The following SPATA32 variants were observed in gnomAD, a reference collection of about 807,000 sequenced individuals.
The protein encoded by SPATA32 is spermatogenesis associated 32.
In SPATA32, 28 loss-of-function variants were observed where a neutral mutation model predicts 35.4. The ratio of observed to expected loss-of-function variants is 0.79; its 90% confidence interval spans 0.59 to 1.09. The LOEUF (loss-of-function observed/expected upper bound fraction) is 1.09. SPATA32 is among the 50% of genes least tolerant of loss of function. The pLI, the probability that SPATA32 is intolerant of heterozygous loss-of-function variation, is 0.00. For missense variants in SPATA32, 409 were observed against 475.9 expected, an observed-to-expected ratio of 0.86 and a Z score of 1.31; for synonymous variants, 168 against 196.3, an observed-to-expected ratio of 0.86 and a Z score of 1.20.
At chr17:45,257,317 G>A in intron 1 of SPATA32, 110 bp from the exon 2 acceptor site, 1 of 1,232,948 alleles carries the variant, frequency 8.1e-7, no homozygotes, top group South Asian at 1.3e-5. Context: ...CTTCCCGGCT[G>A]CTATTCCCCC....
In SPATA32 at chr17:45,256,846, C is replaced by G. The variant is rs1425677544; in HGVS notation, c.68+307G>C. Among the ~76,000 whole-genome samples the G allele has an allele frequency of 2.0e-5, 3 of 152,324 alleles. No individual in the cohort carries two copies. In the South Asian group the frequency reaches 6.2e-4, roughly 32 times the overall value. ...CTTTCTTCAAGTGCCTGCCCACCCC[C>G]GCCTTGAGCAGCTCTGTCCTCAGCA... On this transcript the variant is annotated intron_variant, in intron 2 of 4. Transcript: ENST00000331780. This position sits in a 1 kb window ranked among gnomAD's most constrained non-coding sequence, Gnocchi z 4.7.
At chr17:45,257,677 G>A (rs918990542) in intron 1 of SPATA32, among the ~76,000 whole-genome samples, 4 of 152,060 alleles carry the variant, frequency 2.6e-5, no homozygotes, top group Non-Finnish European at 4.4e-5. Context: ...CTGTAACTGC[G>A]TGGAGTCCCA....
rs1421773813 is a variant in SPATA32, at chr17:45,256,537, G to A, written c.69-122C>T. ...AAGCTGGCACGATGCACCTCCCGCC[G>A]ACCACCCCGCCACCAGCTCATCCAC... On this transcript the variant is annotated intron_variant, in intron 2 of 4. Coordinates refer to ENST00000331780, the MANE Select transcript of SPATA32 (RefSeq NM_152343.3). This position sits in a 1 kb window ranked among gnomAD's most constrained non-coding sequence, Gnocchi z 4.7. 5 of 809,448 alleles carry A rather than the reference G, an allele frequency of 6.2e-6. No individual in the cohort carries two copies. The highest frequency in any genetic ancestry group is 2.5e-5 in the East Asian group (1 of 40,816). 50.1% of individuals were successfully genotyped at this position (809,448 alleles called of 1,614,324 possible). A position where few individuals can be genotyped will look rare whatever the true frequency, so the allele number is the denominator to read the frequency against.
chr17:45,261,636 G>T, intron 1 of SPATA32: 1 of 282,312 alleles, frequency 3.5e-6, no homozygotes, highest in Non-Finnish European at 6.6e-6. Context: ...AACTGGATGT[G>T]ATTTTTTGGA....
chr17:45,257,114 C>T, intron 2 of SPATA32, 39 bp downstream of exon 2: 1 of 1,607,704 alleles, frequency 6.2e-7, no homozygotes, highest in Non-Finnish European at 8.5e-7. Flanking sequence ...TCCTGGAGGG[C>T]TCGGGGGAGG....
At chr17:45,254,592 A>C (rs1012471852) in intron 4 of SPATA32, 79 bp from the exon 5 acceptor site, 2 of 1,329,338 alleles carry the variant, frequency 1.5e-6, no homozygotes, top group African/African-American at 2.9e-5. Flanking sequence ...GGCCCCTCTG[A>C]AGAGGTCGCT....
chr17:45,257,404 C>A lies in SPATA32; in HGVS notation c.14-197G>T, dbSNP rs75579233. On this transcript the variant is annotated intron_variant, in intron 1 of 4. Coordinates refer to ENST00000331780, the MANE Select transcript of SPATA32 (RefSeq NM_152343.3). Reference sequence around the variant, plus strand: ...CTCCAGTCCTGCTCCCTCCACTCTCCGTCTGTGCCTTGCCTCCTCGGAGGC... The same window carrying A: ...CTCCAGTCCTGCTCCCTCCACTCTCAGTCTGTGCCTTGCCTCCTCGGAGGC... Among the ~76,000 whole-genome samples the A allele has an allele frequency of 5.0e-3, 765 of 152,278 alleles. 9 individuals are homozygous for A. The highest frequency in any genetic ancestry group is 0.017 in the African/African-American group (721 of 41,538).
intron 1 of SPATA32, chr17:45,261,670 A>T (rs2044010085): frequency 2.9e-6 from 1 of 346,032 alleles, no homozygotes. Context: ...ATAATTCATG[A>T]GTCGTTTCCT....
chr17:45,254,669 C>T (rs1199157189), intron 4 of SPATA32, among the ~76,000 whole-genome samples, 156 bp from the exon 5 acceptor site: 1 of 152,152 alleles, frequency 6.6e-6, no homozygotes, highest in African/African-American at 2.4e-5. Flanking sequence ...TGTCCATTCA[C>T]TACCAGAAAG....
intron 1 of SPATA32, 56 bp downstream of exon 1, chr17:45,261,948 C>T: frequency 7.7e-7 from 1 of 1,305,460 alleles, no homozygotes; most frequent in Non-Finnish European, 9.8e-7. Flanking sequence ...CCCCCTCTCA[C>T]TTTCGCTTTC....
In SPATA32 at chr17:45,256,803, C is replaced by T. The variant is rs1443042668; in HGVS notation, c.68+350G>A. On this transcript the variant is annotated intron_variant, in intron 2 of 4. Transcript: ENST00000331780. This position sits in a 1 kb window ranked among gnomAD's most constrained non-coding sequence, Gnocchi z 4.7. Reference sequence around the variant, plus strand: ...CAGGGGAGCCCCAGAGCAATGTCCTCCCACCCACCTGCCCACTCTTTCTTC... The same window carrying T: ...CAGGGGAGCCCCAGAGCAATGTCCTTCCACCCACCTGCCCACTCTTTCTTC... 6.6e-6 allele frequency among the ~76,000 whole-genome samples: 1 copy of T among 152,144 alleles called. No individual in the cohort carries two copies. The highest frequency in any genetic ancestry group is 1.5e-5 in the Non-Finnish European group (1 of 68,028).
Position 45,256,544 on chromosome 17 carries a change from C to G in SPATA32, c.69-129G>C. ...CACGATGCACCTCCCGCCGACCACC[C>G]CGCCACCAGCTCATCCACTCCCCTG... On this transcript the variant is annotated intron_variant, in intron 2 of 4. Coordinates refer to ENST00000331780, the MANE Select transcript of SPATA32 (RefSeq NM_152343.3). The surrounding 1 kb of genome is among the most constrained non-coding windows in gnomAD (Gnocchi z 4.7). 5.2e-6 allele frequency: 4 copies of G among 763,422 alleles called. 1 individual carries two copies. The South Asian group carries it at 5.8e-5, about 11-fold the overall frequency. 47.3% of individuals were successfully genotyped at this position (763,422 alleles called of 1,614,324 possible).
In SPATA32 at chr17:45,256,973, G is replaced by GGGC. The variant is rs2043963812; in HGVS notation, c.68+179_68+180insGCC. ...CCAGGGGCTGAGGGCATAAACAGAA[G>GGGC]TGGGAGGATAGGCGCCCCACGCCCT... On this transcript the variant is annotated intron_variant, in intron 2 of 4. Coordinates refer to ENST00000331780, the MANE Select transcript of SPATA32 (RefSeq NM_152343.3). The surrounding 1 kb of genome is among the most constrained non-coding windows in gnomAD (Gnocchi z 4.7). Among the ~76,000 whole-genome samples, 1 of 152,214 alleles carries GGGC rather than the reference G, an allele frequency of 6.6e-6. No individual in the cohort carries two copies. Among genetic ancestry groups the GGGC allele is most frequent in the African/African-American group, 2.4e-5 (1 of 41,450 alleles).
chr17:45,257,221 G>A lies in SPATA32; in HGVS notation c.14-14C>T, dbSNP rs990448785. On this transcript the variant is annotated splice_polypyrimidine_tract_variant and intron_variant, in intron 1 of 4. Transcript: ENST00000331780. ...ATCCATGGGCACCTGACAGGGGAAA[G>A]GAGGTGAGGGCAGGGAGCTGCAGGG... The A allele has an allele frequency of 1.2e-6, 2 of 1,605,882 alleles. No homozygotes were observed. The highest frequency in any genetic ancestry group is 2.7e-5 in the African/African-American group (2 of 74,708).
In SPATA32 at chr17:45,255,841, G is replaced by A. The variant is rs1320039171; in HGVS notation, c.341C>T (p.Ser114Phe). The A allele has an allele frequency of 6.2e-7, 1 of 1,614,162 alleles. No individual in the cohort carries two copies. Among genetic ancestry groups the A allele is most frequent in the Admixed American group, 1.7e-5 (1 of 60,018 alleles). Residue 114 changes from serine to phenylalanine, a missense_variant, in exon 4 of 5, where the codon TCC becomes TTC. Physicochemically the swap from Ser to Phe is radical, Grantham distance 155. Coordinates refer to ENST00000331780, the MANE Select transcript of SPATA32 (RefSeq NM_152343.3). This position sits in a 1 kb window ranked among gnomAD's most constrained non-coding sequence, Gnocchi z 5.4. Reference sequence around the variant, plus strand: ...CTGTGGCGTGGGCAGCCCCATGTTGGAGTGGACGGACTCTATCTTGCATAC... The same window carrying A: ...CTGTGGCGTGGGCAGCCCCATGTTGAAGTGGACGGACTCTATCTTGCATAC... Reference protein sequence around the residue: ...QLVCKIESVHSNMGLPTPQTF... With the variant: ...QLVCKIESVHFNMGLPTPQTF...
Position 45,255,058 on chromosome 17 carries a change from C to T in SPATA32, c.1067+57G>A. ...CACCCCTACCCAGCTGTGTGAGGAC[C>T]CCTGCCACGTTCTAGCACAGCCCCT... On this transcript the variant is annotated intron_variant, in intron 4 of 4. Coordinates refer to ENST00000331780, the MANE Select transcript of SPATA32 (RefSeq NM_152343.3). The surrounding 1 kb of genome is among the most constrained non-coding windows in gnomAD (Gnocchi z 5.4). 2 of 1,550,020 alleles carry T rather than the reference C, an allele frequency of 1.3e-6. No homozygotes were observed. The highest frequency in any genetic ancestry group is 1.8e-6 in the Non-Finnish European group (2 of 1,129,406).
intron 1 of SPATA32, 115 bp from the exon 2 acceptor site, chr17:45,257,322 T>TC (rs1402768648): frequency 1.1e-5 from 13 of 1,174,286 alleles, no homozygotes; most frequent in Non-Finnish European, 1.5e-5. Flanking sequence ...CGGCTGCTAT[T>TC]CCCCCTCACC....
rs773012728 is a variant in SPATA32, at chr17:45,255,361, T to C, written c.821A>G (p.Glu274Gly). ...GGTCAGGAGGGGCTCTGTGGAAGGC[T>C]CCAGAGCCTCCTGGGGTGGAGCTTT... ...MMKAPPQEAL[E>G]PSTEPLLTTV... The change falls in exon 4 of 5, where the codon GAG (glutamate) becomes GGG (glycine). Residue 274 changes from glutamate to glycine, a missense_variant. Glu to Gly is a moderately conservative substitution (Grantham distance 98, BLOSUM62 -2). Transcript: ENST00000331780. The surrounding 1 kb of genome is among the most constrained non-coding windows in gnomAD (Gnocchi z 5.4). The C allele has an allele frequency of 6.2e-7, 1 of 1,614,192 alleles. No individual in the cohort carries two copies. The highest frequency in any genetic ancestry group is 8.5e-7 in the Non-Finnish European group (1 of 1,180,024).
chr17:45,259,096 A>T (rs1201727304), intron 1 of SPATA32, among the ~76,000 whole-genome samples: 1 of 151,986 alleles, frequency 6.6e-6, no homozygotes, highest in African/African-American at 2.4e-5. Context: ...GTGAGTCAAG[A>T]CACTTTTACT....
Sources: gnomAD v4.1 joint callset for allele counts (sites outside exome capture counted in the v4.1 genomes callset) on GRCh38, gnomAD v4.1.1 for gene constraint, Gnocchi (gnomAD v3.1) non-coding constraint, MANE v1.5 for transcripts, NCBI Gene and HGNC (gene_info 2026-07-23, HGNC 2026-07-21) for gene names.